The following TP63 variants were observed in gnomAD, a reference collection of about 807,000 sequenced individuals.
TP63 encodes the protein tumor protein 63.
In TP63, 17 loss-of-function variants were observed where a neutral mutation model predicts 82.8. The ratio of observed to expected loss-of-function variants is 0.21; its 90% confidence interval spans 0.14 to 0.31. The LOEUF (loss-of-function observed/expected upper bound fraction) is 0.31, where lower values mean the gene tolerates loss of function less well. Ranked by LOEUF, TP63 falls within the 10% of genes least tolerant of loss-of-function variation. The pLI is 1.00. For missense variants in TP63, 648 were observed against 895.3 expected (o/e 0.72, Z 3.52); for synonymous variants, 330 against 321.7 (o/e 1.03, Z -0.28).
chr3:189,605,774 A>G, the TP63 span, among the ~76,000 whole-genome samples: 1 of 152,100 alleles, frequency 6.6e-6, no homozygotes, highest in Non-Finnish European at 1.5e-5. Flanking sequence ...AATGGCTAGA[A>G]AAAAAAATAA....
At chr3:189,883,619 G>T (rs1362000294) in intron 10 of TP63, among the ~76,000 whole-genome samples, 3 of 152,160 alleles carry the variant, frequency 2.0e-5, no homozygotes, top group Non-Finnish European at 4.4e-5. Flanking sequence ...ACCCTGTCCA[G>T]GGCTGTTACA....
At chr3:189,641,802 A>G (rs1370164687) in intron 1 of TP63, among the ~76,000 whole-genome samples, 1 of 152,196 alleles carries the variant, frequency 6.6e-6, no homozygotes, top group Non-Finnish European at 1.5e-5. Context: ...AAACTTATAC[A>G]TGTTCAATCT....
intron 4 of TP63, among the ~76,000 whole-genome samples, chr3:189,856,634 A>G (rs1577115535): frequency 6.6e-6 from 1 of 152,054 alleles, no homozygotes; most frequent in East Asian, 1.9e-4. Flanking sequence ...CATCTACAAA[A>G]AGCTACAAGA....
Position 189,895,528 on chromosome 3 carries a change from A to G in TP63, c.*1026A>G, listed in dbSNP as rs1721404603. 4.5e-6 allele frequency: 1 copy of G among 220,726 alleles called. No homozygotes were observed. 13.7% of individuals were successfully genotyped at this position (220,726 alleles called of 1,614,324 possible). A position where few individuals can be genotyped will look rare whatever the true frequency, so the allele number is the denominator to read the frequency against. On this transcript the variant is annotated 3_prime_UTR_variant, in exon 14 of 14. Coordinates refer to ENST00000264731, the MANE Select transcript of TP63 (RefSeq NM_003722.5). ...GATTGATTTGATTGGGATGAATGCC[A>G]TCTATCTAGTTCTAACAGTGAAGTT... is the stretch of plus-strand genomic sequence containing the variant.
intron 3 of TP63, among the ~76,000 whole-genome samples, chr3:189,802,240 G>T (rs1052921240): frequency 6.6e-6 from 1 of 152,122 alleles, no homozygotes; most frequent in African/African-American, 2.4e-5. Flanking sequence ...TTAAAGCCAG[G>T]GTCATCAAGT....
At chr3:189,886,365 C>T in intron 10 of TP63, 29 bp from the exon 11 acceptor site, 2 of 1,612,102 alleles carry the variant, frequency 1.2e-6, no homozygotes, top group East Asian at 4.5e-5. Flanking sequence ...GTCCCTTGCT[C>T]ACCATTATTT....
chr3:189,866,495 A>C (rs939790059), intron 5 of TP63, among the ~76,000 whole-genome samples, 187 bp from the exon 6 acceptor site: 1 of 152,192 alleles, frequency 6.6e-6, no homozygotes, highest in African/African-American at 2.4e-5. Flanking sequence ...CTGTTGCTAT[A>C]AAGGTTATGA....
chr3:189,665,948 TTTAAAA>T (rs1714351906), intron 1 of TP63, among the ~76,000 whole-genome samples: 2 of 151,760 alleles, frequency 1.3e-5, no homozygotes, highest in Non-Finnish European at 2.9e-5. Flanking sequence ...AACCAGAAAC[TTTAAAA>T]AAGTGTAAGC....
intron 3 of TP63, among the ~76,000 whole-genome samples, chr3:189,763,174 T>G (rs1577368285): frequency 6.6e-6 from 1 of 152,150 alleles, no homozygotes; most frequent in East Asian, 1.9e-4. Flanking sequence ...CTAAGGAGGC[T>G]GAGATGGGAG....
At chr3:189,596,978 G>A in the TP63 span, among the ~76,000 whole-genome samples, 2 of 152,068 alleles carry the variant, frequency 1.3e-5, no homozygotes, top group Non-Finnish European at 2.9e-5. Flanking sequence ...GCGAAGGTCT[G>A]CAGCTTCACT....
chr3:189,617,076 C>A, the TP63 span, among the ~76,000 whole-genome samples: 1 of 152,188 alleles, frequency 6.6e-6, no homozygotes, highest in Admixed American at 6.5e-5. Flanking sequence ...ACCATTGGAT[C>A]TGTAAAGGCT....
rs1313005571 is a variant in TP63 at position 189,872,060 on chromosome 3, G to A, written c.1213-799G>A. Among the ~76,000 whole-genome samples the A allele has an allele frequency of 2.0e-5, 3 of 152,198 alleles. No individual in the cohort carries two copies. The East Asian group carries it at 5.8e-4, about 29-fold the overall frequency. ...GAGCTTTTATTTAAAGATTTTAAGG[G>A]ACTCTCTTAAAGAGAGAAACATATT... On this transcript the variant is annotated intron_variant, in intron 9 of 13. Transcript: ENST00000264731.
At chr3:189,643,922 C>G (rs1712162094) in intron 1 of TP63, among the ~76,000 whole-genome samples, 1 of 152,200 alleles carries the variant, frequency 6.6e-6, no homozygotes, top group Admixed American at 6.5e-5. Flanking sequence ...AAGTGATTTA[C>G]TGACCTTTAT....
chr3:189,847,460 T>C (rs1715039887), intron 4 of TP63, among the ~76,000 whole-genome samples: 1 of 152,218 alleles, frequency 6.6e-6, no homozygotes, highest in South Asian at 2.1e-4. Flanking sequence ...GCTCAAGATT[T>C]GGGGGGATCA....
intron 3 of TP63, among the ~76,000 whole-genome samples, chr3:189,753,700 T>A (rs62279908): frequency 0.049 from 7,456 of 152,126 alleles, 251 homozygotes; most frequent in South Asian, 0.1. Context: ...GGACTACCAT[T>A]TATTAGTTTT....
chr3:189,833,803 C>T (rs1398559924), intron 4 of TP63, among the ~76,000 whole-genome samples: 1 of 152,006 alleles, frequency 6.6e-6, no homozygotes, highest in Non-Finnish European at 1.5e-5. Flanking sequence ...AGCCAGATCT[C>T]TACTCCACTG....
chr3:189,713,634 A>G (rs570992808), intron 1 of TP63, among the ~76,000 whole-genome samples: 5 of 152,268 alleles, frequency 3.3e-5, no homozygotes, highest in Non-Finnish European at 2.9e-5. Flanking sequence ...GTAATTCAAA[A>G]AAGTGTTATA....
chr3:189,859,672 C>T (rs1320330090), intron 4 of TP63, among the ~76,000 whole-genome samples: 3 of 152,074 alleles, frequency 2.0e-5, no homozygotes, highest in Admixed American at 1.3e-4. Flanking sequence ...ACTTACCCAG[C>T]AATCATATTC....
At chr3:189,602,915 A>G in the TP63 span, among the ~76,000 whole-genome samples, 22 of 152,218 alleles carry the variant, frequency 1.4e-4, no homozygotes, top group Non-Finnish European at 2.9e-4. Context: ...TTAATGGCAT[A>G]GAGCTAGTAG....
Sources: allele counts gnomAD v4.1 joint callset (sites outside exome capture counted in the v4.1 genomes callset), GRCh38; gene constraint gnomAD v4.1.1; transcripts MANE v1.5; gene names NCBI Gene and HGNC (gene_info 2026-07-23, HGNC 2026-07-21).